The following DSCAML1 variants were observed in gnomAD, a reference collection of about 807,000 sequenced individuals.
The protein encoded by DSCAML1 is DS cell adhesion molecule like 1.
A neutral mutation model predicts 200.5 loss-of-function variants in DSCAML1; 38 were observed. The ratio of observed to expected loss-of-function variants is 0.19; its 90% CI spans 0.15 to 0.25. DSCAML1 has a LOEUF of 0.25. Ranked by LOEUF, DSCAML1 falls within the 10% of genes least tolerant of loss-of-function variation. The probability of loss-of-function intolerance (pLI) is 1.00; values close to 1 mark genes in which losing one functional copy is unlikely to be tolerated. For missense variants in DSCAML1, 2,223 were observed against 2,858.8 expected (o/e 0.78, Z 5.07); for synonymous variants, 1,215 against 1,165.0 (o/e 1.04, Z -0.87).
chr11:117,448,839 G>A (rs1042819367), intron 20 of DSCAML1, among the ~76,000 whole-genome samples: 5 of 152,014 alleles, frequency 3.3e-5, no homozygotes, highest in Admixed American at 1.3e-4. Flanking sequence ...GTGACCTAGC[G>A]CTTCCTCTCC....
chr11:117,481,452 C>A (rs1272380221), intron 12 of DSCAML1, among the ~76,000 whole-genome samples, 182 bp from the exon 13 acceptor site: 2 of 148,054 alleles, frequency 1.4e-5, no homozygotes, highest in Middle Eastern at 3.2e-3. Context: ...GTATGGAGGG[C>A]TTCATACAGG....
At chr11:117,815,852 C>G (rs17121259) in intron 1 of DSCAML1, among the ~76,000 whole-genome samples, 63,949 of 150,264 alleles carry the variant, frequency 0.43, 14,075 homozygotes, top group African/African-American at 0.53. Flanking sequence ...GCCAGGGGAC[C>G]CTAAGTCTCC....
At chr11:117,808,881 C>G (rs2055731728) in intron 1 of DSCAML1, among the ~76,000 whole-genome samples, 1 of 152,194 alleles carries the variant, frequency 6.6e-6, no homozygotes. Context: ...CACACATGAT[C>G]TCGTTCAATC....
intron 3 of DSCAML1, among the ~76,000 whole-genome samples, chr11:117,696,597 T>C (rs1384711939): frequency 6.6e-6 from 1 of 152,050 alleles, no homozygotes; most frequent in East Asian, 1.9e-4. Context: ...TGGGTGTAGA[T>C]CCCAGGGACA....
intron 11 of DSCAML1, among the ~76,000 whole-genome samples, chr11:117,491,972 C>T (rs1475012537): frequency 1.3e-5 from 2 of 152,030 alleles, no homozygotes; most frequent in Non-Finnish European, 2.9e-5. Flanking sequence ...GGTGGGTGGT[C>T]TGGGGGAGGG....
intron 17 of DSCAML1, among the ~76,000 whole-genome samples, chr11:117,462,500 G>T (rs940753086): frequency 1.3e-5 from 2 of 152,222 alleles, no homozygotes; most frequent in Non-Finnish European, 2.9e-5. Context: ...GCTCCGAGTG[G>T]AAGAAAGGAT....
At chr11:117,590,138 C>T (rs543571622) in intron 3 of DSCAML1, among the ~76,000 whole-genome samples, 11 of 152,210 alleles carry the variant, frequency 7.2e-5, no homozygotes, top group Admixed American at 2.6e-4. Flanking sequence ...ATCCATGAAC[C>T]CATGGGCTTG....
intron 17 of DSCAML1, among the ~76,000 whole-genome samples, chr11:117,462,464 A>G (rs1472432931): frequency 6.6e-6 from 1 of 152,214 alleles, no homozygotes; most frequent in East Asian, 1.9e-4. Context: ...AGGGCCAGGG[A>G]CAAAGCGCAA....
chr11:117,429,472 C>T (rs1041497868), intron 32 of DSCAML1, among the ~76,000 whole-genome samples: 4 of 141,338 alleles, frequency 2.8e-5, no homozygotes, highest in African/African-American at 7.7e-5. Flanking sequence ...GGCATGATCT[C>T]GGCTCACTGC....
chr11:117,647,437 T>C (rs1044150268), intron 3 of DSCAML1, among the ~76,000 whole-genome samples: 2 of 152,176 alleles, frequency 1.3e-5, no homozygotes, highest in African/African-American at 4.8e-5. Context: ...AGGTTGTCAC[T>C]TAGCCAGCCC....
At chr11:117,792,914 G>C (rs1193241783) in intron 1 of DSCAML1, among the ~76,000 whole-genome samples, 3 of 152,226 alleles carry the variant, frequency 2.0e-5, no homozygotes, top group African/African-American at 7.2e-5. Flanking sequence ...GGTGGTGGGA[G>C]CTCTGGGGCT....
intron 3 of DSCAML1, among the ~76,000 whole-genome samples, chr11:117,566,341 T>TC (rs1491385896): frequency 1.8e-5 from 2 of 109,310 alleles, no homozygotes; most frequent in Non-Finnish European, 3.6e-5. Context: ...TTCTTTTCTT[T>TC]CTCTCTCTCT....
rs371464019 is a variant in DSCAML1 at position 117,692,798 on chromosome 11, G to T, written c.511+83993C>A. Among the ~76,000 whole-genome samples, 59 of 152,208 alleles carry T rather than the reference G, an allele frequency of 3.9e-4. No homozygotes were observed. The East Asian group carries it at 0.01, about 26-fold the overall frequency. On this transcript the variant is annotated intron_variant, in intron 3 of 32. Transcript: ENST00000651296. ...ATTTATTGCTGGATGGGGAGACTCC[G>T]TTGAAATGACTCCCCTGCATGGAAT...
At chr11:117,461,749 T>C (rs1312902007) in intron 17 of DSCAML1, among the ~76,000 whole-genome samples, 153 bp from the exon 18 acceptor site, 4 of 152,140 alleles carry the variant, frequency 2.6e-5, no homozygotes, top group Non-Finnish European at 5.9e-5. Context: ...ATCCTGATTG[T>C]TGGGGCAGGG....
intron 14 of DSCAML1, among the ~76,000 whole-genome samples, chr11:117,477,237 TCTC>T (rs1476661731): frequency 9.1e-6 from 1 of 109,356 alleles, no homozygotes; most frequent in Non-Finnish European, 1.9e-5. Flanking sequence ...GTGCACACTC[TCTC>T]CTTTCTTTGA....
chr11:117,506,547 CTTTTTTTTT>C (rs5795089), intron 8 of DSCAML1, among the ~76,000 whole-genome samples: 5 of 96,858 alleles, frequency 5.2e-5, no homozygotes, highest in African/African-American at 1.3e-4. Context: ...CAAGAGATAA[CTTTTTTTTT>C]TTTTTTTTTT....
At chr11:117,667,583 T>G (rs1411161845) in intron 3 of DSCAML1, among the ~76,000 whole-genome samples, 1 of 152,136 alleles carries the variant, frequency 6.6e-6, no homozygotes, top group Non-Finnish European at 1.5e-5. Flanking sequence ...AGTTAACTCC[T>G]TTCTGCTTCT....
chr11:117,519,569 C>G (rs1265543361), intron 6 of DSCAML1, among the ~76,000 whole-genome samples: 1 of 152,188 alleles, frequency 6.6e-6, no homozygotes, highest in Non-Finnish European at 1.5e-5. Flanking sequence ...CTTGTAATCT[C>G]AGCACTCTGG....
intron 1 of DSCAML1, among the ~76,000 whole-genome samples, chr11:117,795,132 G>C (rs758187767): frequency 6.6e-6 from 1 of 152,190 alleles, no homozygotes; most frequent in Non-Finnish European, 1.5e-5. Flanking sequence ...GAAGGGGGAG[G>C]GGAGTGTCCT....
Sources: allele counts gnomAD v4.1 joint callset (sites outside exome capture counted in the v4.1 genomes callset), GRCh38; gene constraint gnomAD v4.1.1; transcripts MANE v1.5; gene names NCBI Gene and HGNC (gene_info 2026-07-23, HGNC 2026-07-21).